The following KHDRBS2 variants were observed in gnomAD, a reference collection of about 807,000 sequenced individuals.
The protein encoded by KHDRBS2 is KH RNA binding domain containing, signal transduction associated 2, also known as KH domain-containing, RNA-binding, signal transduction-associated protein 2.
KHDRBS2 carries 26 observed loss-of-function variants against 44.3 expected under a neutral mutation model. The observed-to-expected ratio is 0.59, with a 90% CI of 0.43 to 0.81. The LOEUF (loss-of-function observed/expected upper bound fraction) is 0.81, where lower values mean the gene tolerates loss of function less well. Among genes scored for constraint, KHDRBS2 ranks in the 40% least tolerant of loss-of-function variants. The pLI is 0.00. For missense variants in KHDRBS2, 476 were observed against 433.1 expected (o/e 1.10, Z -0.88); for synonymous variants, 194 against 151.1 (o/e 1.28, Z -2.08).
intron 6 of KHDRBS2, among the ~76,000 whole-genome samples, chr6:61,815,013 C>G (rs1468905054): frequency 6.6e-6 from 1 of 151,964 alleles, no homozygotes; most frequent in African/African-American, 2.4e-5. Flanking sequence ...AATGTAAATG[C>G]TAGGTAAATA....
intron 2 of KHDRBS2, among the ~76,000 whole-genome samples, chr6:62,136,847 A>G (rs895886636): frequency 2.6e-5 from 4 of 152,142 alleles, no homozygotes; most frequent in African/African-American, 7.2e-5. Context: ...CTTTGTTGAC[A>G]TAAGTAAGAA....
intron 2 of KHDRBS2, among the ~76,000 whole-genome samples, chr6:62,136,884 A>T (rs1278423694): frequency 6.6e-6 from 1 of 152,018 alleles, no homozygotes; most frequent in East Asian, 1.9e-4. Flanking sequence ...ACATTCGCAA[A>T]GTTGGCTTTG....
At chr6:61,563,231 C>A in the KHDRBS2 span, among the ~76,000 whole-genome samples, 1 of 152,086 alleles carries the variant, frequency 6.6e-6, no homozygotes, top group South Asian at 2.1e-4. Flanking sequence ...AAAAATATCA[C>A]GTTCTCAACT....
chr6:61,660,125 A>C, the KHDRBS2 span, among the ~76,000 whole-genome samples: 9 of 151,892 alleles, frequency 5.9e-5, no homozygotes, highest in Admixed American at 5.9e-4. Context: ...CTAAAACAAC[A>C]GGCGTAAACC....
intron 7 of KHDRBS2, among the ~76,000 whole-genome samples, chr6:61,724,253 G>A (rs1251984730): frequency 6.6e-6 from 1 of 152,064 alleles, no homozygotes; most frequent in African/African-American, 2.4e-5. Context: ...ATCATTTTCA[G>A]ACAAGCAAAT....
intron 6 of KHDRBS2, among the ~76,000 whole-genome samples, chr6:61,878,828 C>G (rs1799816016): frequency 6.6e-6 from 1 of 151,944 alleles, no homozygotes; most frequent in Non-Finnish European, 1.5e-5. Flanking sequence ...AATACTTAAC[C>G]TCTTCAAATC....
chr6:61,793,636 TG>T (rs369046459), intron 6 of KHDRBS2, among the ~76,000 whole-genome samples: 35 of 152,186 alleles, frequency 2.3e-4, no homozygotes, highest in African/African-American at 7.9e-4. Flanking sequence ...GGGGAGTCTA[TG>T]GGGGTATGTT....
intron 7 of KHDRBS2, among the ~76,000 whole-genome samples, chr6:61,730,176 G>T (rs190688207): frequency 8.2e-4 from 124 of 152,110 alleles, no homozygotes; most frequent in Non-Finnish European, 1.5e-3. Context: ...AACTATACTA[G>T]TATTGAGGAT....
At chr6:61,812,969 A>AT (rs763437981) in intron 6 of KHDRBS2, among the ~76,000 whole-genome samples, 11 of 152,088 alleles carry the variant, frequency 7.2e-5, no homozygotes, top group Non-Finnish European at 1.5e-4. Flanking sequence ...GACACTTATT[A>AT]TTTTATTTTG....
chr6:61,576,001 G>A, the KHDRBS2 span, among the ~76,000 whole-genome samples: 12 of 152,170 alleles, frequency 7.9e-5, no homozygotes, highest in South Asian at 1.0e-3. Flanking sequence ...ATTAGGTACC[G>A]TGTACACTGC....
chr6:62,015,098 T>G (rs532512467), intron 3 of KHDRBS2, among the ~76,000 whole-genome samples: 1 of 152,264 alleles, frequency 6.6e-6, no homozygotes, highest in African/African-American at 2.4e-5. Context: ...AGGGACACAT[T>G]GAAAAGTAAT....
At chr6:62,199,018 C>T (rs778239389) in intron 1 of KHDRBS2, among the ~76,000 whole-genome samples, 3 of 152,082 alleles carry the variant, frequency 2.0e-5, no homozygotes, top group Non-Finnish European at 4.4e-5. Context: ...GCAGAAAAGG[C>T]GTTAGACAAA....
intron 1 of KHDRBS2, among the ~76,000 whole-genome samples, chr6:62,261,333 A>T (rs1838304781): frequency 6.6e-6 from 1 of 151,860 alleles, no homozygotes; most frequent in South Asian, 2.1e-4. Context: ...TCTGCACTGG[A>T]AGATTATAAT....
the KHDRBS2 span, among the ~76,000 whole-genome samples, chr6:61,551,117 G>A: frequency 6.6e-6 from 1 of 151,954 alleles, no homozygotes; most frequent in Non-Finnish European, 1.5e-5. Flanking sequence ...TTCTTTAATG[G>A]TTAGTGATAA....
chr6:61,744,410 A>G (rs2127565487), intron 6 of KHDRBS2, among the ~76,000 whole-genome samples: 1 of 152,246 alleles, frequency 6.6e-6, no homozygotes, highest in Middle Eastern at 3.4e-3. Flanking sequence ...GATAGATGCT[A>G]TCCATTCTTT....
chr6:61,547,283 A>T, the KHDRBS2 span, among the ~76,000 whole-genome samples: 13 of 152,268 alleles, frequency 8.5e-5, no homozygotes, highest in South Asian at 2.5e-3. Context: ...AAAATTGCCA[A>T]TACATTCACC....
At chr6:61,980,575 T>C (rs535927985) in intron 3 of KHDRBS2, among the ~76,000 whole-genome samples, 5 of 152,210 alleles carry the variant, frequency 3.3e-5, no homozygotes, top group African/African-American at 1.2e-4. Context: ...ACTTGTGATC[T>C]GAGGGATCAA....
intron 2 of KHDRBS2, among the ~76,000 whole-genome samples, chr6:62,092,930 C>G (rs1205692884): frequency 6.6e-6 from 1 of 151,910 alleles, no homozygotes; most frequent in Admixed American, 6.6e-5. Context: ...AATCATCAGA[C>G]AGGTTAATTT....
At chr6:61,613,172 T>C in the KHDRBS2 span, among the ~76,000 whole-genome samples, 8 of 152,086 alleles carry the variant, frequency 5.3e-5, no homozygotes, top group Non-Finnish European at 1.2e-4. Context: ...TTTTTACGTA[T>C]TTGTTTATTG....
Sources: gnomAD v4.1 joint callset for allele counts (sites outside exome capture counted in the v4.1 genomes callset) on GRCh38, gnomAD v4.1.1 for gene constraint, MANE v1.5 for transcripts, NCBI Gene and HGNC (gene_info 2026-07-23, HGNC 2026-07-21) for gene names.